ZBTB38: variants seen among roughly 807,000 people sequenced by gnomAD.
ZBTB38 encodes the protein zinc finger and BTB domain containing 38, also known as zinc finger and BTB domain-containing protein 38.
A neutral mutation model predicts 76.8 loss-of-function variants in ZBTB38; 20 were observed. The ratio of observed to expected loss-of-function variants is 0.26; its 90% confidence interval spans 0.18 to 0.38. The LOEUF is 0.38. Among genes scored for constraint, ZBTB38 ranks in the 10% least tolerant of loss-of-function variants. ZBTB38 has a pLI of 1.00. For synonymous variants in ZBTB38, 504 were observed against 544.2 expected, an observed-to-expected ratio of 0.93 and a Z score of 1.03; for missense variants, 1,082 against 1,482.3, an observed-to-expected ratio of 0.73 and a Z score of 4.43.
At chr3:141,348,208 A>G (rs1943419631) in intron 1 of ZBTB38, among the ~76,000 whole-genome samples, 1 of 152,234 alleles carries the variant, frequency 6.6e-6, no homozygotes, top group South Asian at 2.1e-4. Flanking sequence ...GCCTAATTTT[A>G]CTATATATGG....
intron 5 of ZBTB38, among the ~76,000 whole-genome samples, chr3:141,407,789 T>C (rs975477768): frequency 2.6e-5 from 4 of 152,276 alleles, no homozygotes; most frequent in African/African-American, 9.6e-5. Context: ...TTTGAGATGC[T>C]AGTTTCAACT....
In ZBTB38 at chr3:141,445,785, A is replaced by G; in HGVS notation, c.3397A>G (p.Ile1133Val). ...CTATGCCTGCTTCCAGTGCCCCAAAATTTGCAAAACAGCTGCTGCCCTTGG... is the reference window on the plus strand; with the variant it reads ...CTATGCCTGCTTCCAGTGCCCCAAAGTTTGCAAAACAGCTGCTGCCCTTGG... The part of the protein sequence containing the change: ...KGYACFQCPK[I>V]CKTAAALGMH... The change falls in exon 6 of 6, where the codon ATT becomes GTT. Residue 1133 changes from isoleucine to valine, a missense_variant. By Grantham distance (29) the Ile-to-Val change is conservative (BLOSUM62 3). This residue lies in a region of ZBTB38 where 69 missense variants were observed against 148.2 expected (regional missense o/e 0.47). Transcript: ENST00000321464. The surrounding 1 kb of genome is among the most constrained non-coding windows in gnomAD (Gnocchi z 6.5). 6.2e-7 allele frequency: 1 copy of G among 1,614,214 alleles called. No homozygotes were observed. Among genetic ancestry groups the G allele is most frequent in the Non-Finnish European group, 8.5e-7 (1 of 1,180,034 alleles).
intron 5 of ZBTB38, among the ~76,000 whole-genome samples, chr3:141,428,136 C>T (rs2076746966): frequency 6.6e-6 from 1 of 152,226 alleles, no homozygotes; most frequent in African/African-American, 2.4e-5. Flanking sequence ...GGAGACCTCT[C>T]TGGCACATTC....
At chr3:141,412,017 C>T (rs1271788334) in intron 5 of ZBTB38, among the ~76,000 whole-genome samples, 9 of 152,174 alleles carry the variant, frequency 5.9e-5, no homozygotes, top group East Asian at 5.8e-4. Flanking sequence ...TTAGAAAATA[C>T]TTTTTGAGGT....
chr3:141,400,495 T>C (rs1304792788), intron 4 of ZBTB38, among the ~76,000 whole-genome samples: 1 of 152,174 alleles, frequency 6.6e-6, no homozygotes, highest in Non-Finnish European at 1.5e-5. Context: ...TACAAAAAAG[T>C]GGATATGGAT....
intron 5 of ZBTB38, among the ~76,000 whole-genome samples, chr3:141,412,684 C>G (rs1242651993): frequency 6.6e-6 from 1 of 152,122 alleles, no homozygotes; most frequent in African/African-American, 2.4e-5. Flanking sequence ...AGGCACCTGA[C>G]TACTGCCAGA....
In ZBTB38 at chr3:141,335,163, G is replaced by C. The variant is rs111920519; in HGVS notation, c.-739+10707G>C. On this transcript the variant is annotated intron_variant, in intron 1 of 7. Transcript: ENST00000509842. Reference sequence around the variant, plus strand: ...CCTGGAAAGGGTGCTTGGTTGGAAGGCCTTTGTGAGAGAAACAGCCTTAGT... The same window carrying C: ...CCTGGAAAGGGTGCTTGGTTGGAAGCCCTTTGTGAGAGAAACAGCCTTAGT... Among the ~76,000 whole-genome samples the C allele has an allele frequency of 6.2e-3, 949 of 152,310 alleles. 14 individuals are homozygous for C. The highest frequency in any genetic ancestry group is 0.022 in the African/African-American group (901 of 41,564).
In ZBTB38 at chr3:141,369,899, G is replaced by T. The variant is rs544349870; in HGVS notation, c.-282G>T. 10 of 152,312 alleles carry T rather than the reference G, an allele frequency of 6.6e-5. No homozygotes were observed. The South Asian group carries it at 1.7e-3, about 25-fold the overall frequency. 9.4% of individuals were successfully genotyped at this position (152,312 alleles called of 1,614,324 possible). On this transcript the variant is annotated 5_prime_UTR_variant, in exon 2 of 6. Coordinates refer to ENST00000321464, the MANE Select transcript of ZBTB38 (RefSeq NM_001376113.1). ...TGTCTTGAAGTGAGGCTCTGCTGTA[G>T]TCCTGTTCTTCTGGCTCTAAGATCT... is the stretch of plus-strand genomic sequence containing the variant.
intron 5 of ZBTB38, among the ~76,000 whole-genome samples, chr3:141,407,273 C>A (rs1390322557): frequency 6.6e-6 from 1 of 152,168 alleles, no homozygotes. Context: ...AATGAGGAGA[C>A]CGGGGTCAGA....
At chr3:141,434,125 G>T (rs1477363673) in intron 5 of ZBTB38, 2 of 892,914 alleles carry the variant, frequency 2.2e-6, no homozygotes, top group Admixed American at 1.2e-4. Context: ...AGATATAAAT[G>T]TGAACAAATG....
At chr3:141,400,420 C>A (rs950011309) in intron 4 of ZBTB38, among the ~76,000 whole-genome samples, 1 of 152,110 alleles carries the variant, frequency 6.6e-6, no homozygotes, top group Non-Finnish European at 1.5e-5. Context: ...AACCCAGAGC[C>A]GGTTTTACCC....
At chr3:141,350,925 C>T (rs982032064) in intron 1 of ZBTB38, among the ~76,000 whole-genome samples, 12 of 152,100 alleles carry the variant, frequency 7.9e-5, no homozygotes, top group African/African-American at 2.9e-4. Context: ...GAGATGTCTA[C>T]CAGAAGAAAT....
chr3:141,445,448 G>A lies in ZBTB38; in HGVS notation c.3060G>A (p.Gln1020=), dbSNP rs2080988186. 3 of 1,614,062 alleles carry A rather than the reference G, an allele frequency of 1.9e-6. No individual in the cohort carries two copies. Among genetic ancestry groups the A allele is most frequent in the Non-Finnish European group, 2.5e-6 (3 of 1,180,050 alleles). ...GCGAGCTCTGCGCCAAGCAGTTCCA[G>A]AGCCCTTCCACACTCAAAATGCACA... ...YACELCAKQF[Q]SPSTLKMHMR... The change falls in exon 6 of 6, where the codon CAG becomes CAA. Residue 1020 remains glutamine, a synonymous_variant. Transcript: ENST00000321464. This position sits in a 1 kb window ranked among gnomAD's most constrained non-coding sequence, Gnocchi z 6.5.
chr3:141,340,698 C>T (rs1293654247), intron 1 of ZBTB38, among the ~76,000 whole-genome samples: 1 of 151,848 alleles, frequency 6.6e-6, no homozygotes, highest in East Asian at 1.9e-4. Flanking sequence ...CAGATCAAGA[C>T]CATCCTGGCT....
At chr3:141,410,787 A>C (rs1956360819) in intron 5 of ZBTB38, among the ~76,000 whole-genome samples, 2 of 152,198 alleles carry the variant, frequency 1.3e-5, no homozygotes, top group Non-Finnish European at 2.9e-5. Flanking sequence ...GAAAATTCCT[A>C]AGCTGTATTA....
rs185119755 is a variant in ZBTB38, at chr3:141,340,426, G to A, written c.-739+15970G>A. ...ATGCCTATTGTGCTAGAAACTATGG[G>A]TATAAAGACGACTAAGAAGACAATT... On this transcript the variant is annotated intron_variant, in intron 1 of 7. Transcript: ENST00000509842. Among the ~76,000 whole-genome samples, 8 of 152,222 alleles carry A rather than the reference G, an allele frequency of 5.3e-5. No homozygotes were observed. The East Asian group carries it at 7.7e-4, about 15-fold the overall frequency.
chr3:141,393,138 TG>T (rs1949377106), intron 4 of ZBTB38, among the ~76,000 whole-genome samples: 1 of 152,248 alleles, frequency 6.6e-6, no homozygotes, highest in Non-Finnish European at 1.5e-5. Context: ...ATATTCTTTC[TG>T]TGCTCATGAA....
intron 4 of ZBTB38, among the ~76,000 whole-genome samples, chr3:141,398,025 AC>A (rs1950750174): frequency 6.6e-6 from 1 of 152,176 alleles, no homozygotes; most frequent in Non-Finnish European, 1.5e-5. Flanking sequence ...GTATCTACAA[AC>A]CCGATAAAGT....
At chr3:141,371,906 C>G (rs1050877740) in intron 2 of ZBTB38, among the ~76,000 whole-genome samples, 2 of 152,104 alleles carry the variant, frequency 1.3e-5, no homozygotes, top group South Asian at 2.1e-4. Context: ...CCTTGTGATG[C>G]CCCAGACTTA....
Sources: allele counts gnomAD v4.1 joint callset (sites outside exome capture counted in the v4.1 genomes callset), GRCh38; gene constraint gnomAD v4.1.1; regional missense constraint gnomAD v4.1.1; non-coding constraint Gnocchi (gnomAD v3.1); transcripts MANE v1.5; gene names NCBI Gene and HGNC (gene_info 2026-07-23, HGNC 2026-07-21).